Variants in UBXN7 observed in about 807,000 individuals in gnomAD.
UBXN7 encodes UBX domain protein 7.
A neutral mutation model predicts 58.0 loss-of-function variants in UBXN7; 9 were observed. The observed-to-expected ratio is 0.16, with a 90% CI of 0.09 to 0.27. The LOEUF is 0.27. UBXN7 is among the 10% of genes least tolerant of loss of function. The pLI, the probability that UBXN7 is intolerant of heterozygous loss-of-function variation, is 1.00. For missense variants in UBXN7, 328 were observed against 599.6 expected (o/e 0.55, Z 4.73); for synonymous variants, 208 against 205.0 (o/e 1.01, Z -0.12).
intron 5 of UBXN7, among the ~76,000 whole-genome samples, chr3:196,380,181 T>G (rs1577446710): frequency 6.8e-6 from 1 of 147,004 alleles, no homozygotes; most frequent in East Asian, 2.0e-4. Context: ...ACCTAGGAGG[T>G]GGAGCGTGCA....
intron 1 of UBXN7, among the ~76,000 whole-genome samples, chr3:196,409,651 A>AATC (rs768596387): frequency 2.2e-4 from 33 of 152,244 alleles, no homozygotes; most frequent in African/African-American, 7.0e-4. Flanking sequence ...TGACTGTAAC[A>AATC]ATCTTTGTTA....
rs567007969 is a variant in UBXN7, at chr3:196,417,626, G to A, written c.74-10233C>T. Among the ~76,000 whole-genome samples the A allele has an allele frequency of 2.0e-5, 3 of 149,356 alleles. No individual in the cohort carries two copies. In the South Asian group the frequency reaches 6.4e-4, roughly 32 times the overall value. On this transcript the variant is annotated intron_variant, in intron 1 of 10. Coordinates refer to ENST00000296328, the MANE Select transcript of UBXN7 (RefSeq NM_015562.2). Reference sequence around the variant, plus strand: ...TACCATGAATTAAAAGAATTCAGCTGGGCGTGGTGGCTCACACTGTAATCC... The same window carrying A: ...TACCATGAATTAAAAGAATTCAGCTAGGCGTGGTGGCTCACACTGTAATCC...
chr3:196,407,491 T>C, intron 1 of UBXN7, 98 bp from the exon 2 acceptor site: 1 of 1,442,564 alleles, frequency 6.9e-7, no homozygotes, highest in Non-Finnish European at 9.1e-7. Flanking sequence ...AAATTAATAG[T>C]ATTTTTCCCT....
At chr3:196,417,166 A>C (rs929836728) in intron 1 of UBXN7, among the ~76,000 whole-genome samples, 1 of 152,100 alleles carries the variant, frequency 6.6e-6, no homozygotes, top group South Asian at 2.1e-4. Context: ...ACAAAAAATT[A>C]GCCGGGCGTG....
At chr3:196,359,354 T>C (rs1180183097) in intron 10 of UBXN7, among the ~76,000 whole-genome samples, 1 of 152,168 alleles carries the variant, frequency 6.6e-6, no homozygotes, top group African/African-American at 2.4e-5. Flanking sequence ...TATTCAGGCC[T>C]CCTTATTCCC....
chr3:196,372,300 T>TCC (rs1728861479), intron 5 of UBXN7, among the ~76,000 whole-genome samples: 1 of 133,560 alleles, frequency 7.5e-6, no homozygotes, highest in African/African-American at 2.7e-5. Context: ...TAATAGCTGA[T>TCC]TCTCTCTCTC....
intron 5 of UBXN7, among the ~76,000 whole-genome samples, chr3:196,382,724 G>A (rs1200114612): frequency 1.3e-5 from 2 of 152,192 alleles, no homozygotes; most frequent in Non-Finnish European, 2.9e-5. Flanking sequence ...ACCCATCAGT[G>A]TGCTGTATTC....
intron 3 of UBXN7, among the ~76,000 whole-genome samples, chr3:196,395,788 CAG>C (rs1429813978): frequency 2.0e-5 from 3 of 151,906 alleles, no homozygotes; most frequent in Non-Finnish European, 4.4e-5. Flanking sequence ...TTTATTGCGA[CAG>C]AGTCTCACTC....
At chr3:196,357,760 T>C (rs1016049683) in intron 10 of UBXN7, among the ~76,000 whole-genome samples, 13 of 152,260 alleles carry the variant, frequency 8.5e-5, no homozygotes, top group African/African-American at 2.6e-4. Flanking sequence ...CTTGGGAGGC[T>C]GAGGCAGAAT....
chr3:196,423,490 C>G (rs375498353), intron 1 of UBXN7: 98 of 223,792 alleles, frequency 4.4e-4, no homozygotes, highest in African/African-American at 2.1e-3. Context: ...GGTACTTGTT[C>G]CCCTCCTGCC....
intron 5 of UBXN7, among the ~76,000 whole-genome samples, chr3:196,372,300 T>TTCTCTCTCTC (rs144595952): frequency 7.6e-4 from 101 of 133,622 alleles, no homozygotes; most frequent in Middle Eastern, 3.8e-3. Context: ...TAATAGCTGA[T>TTCTCTCTCTC]TCTCTCTCTC....
intron 3 of UBXN7, chr3:196,400,535 A>G (rs13089205): frequency 0.53 from 84,359 of 160,116 alleles, 22,722 homozygotes; most frequent in East Asian, 0.9. Context: ...GCAGGCAGGA[A>G]GCTTGCTTGA....
At chr3:196,399,281 T>C (rs188327161) in intron 3 of UBXN7, among the ~76,000 whole-genome samples, 11 of 152,288 alleles carry the variant, frequency 7.2e-5, no homozygotes, top group Middle Eastern at 3.4e-3. Flanking sequence ...AAGAACATTA[T>C]TAAAGAAAAC....
chr3:196,429,465 C>T (rs1476218758), intron 1 of UBXN7, among the ~76,000 whole-genome samples: 1 of 152,144 alleles, frequency 6.6e-6, no homozygotes, highest in African/African-American at 2.4e-5. Flanking sequence ...AGATAAGACT[C>T]ACATTTATTT....
In UBXN7 at chr3:196,355,704, G is replaced by C. The variant is rs752300367; in HGVS notation, c.*981C>G. ...AGCTGAATGGTTTTCTTTTTCCCCA[G>C]GGACATACCTAAGTATGCCTGAAAC... On this transcript the variant is annotated 3_prime_UTR_variant, in exon 11 of 11. Coordinates refer to ENST00000296328, the MANE Select transcript of UBXN7 (RefSeq NM_015562.2). 6.6e-6 allele frequency: 1 copy of C among 152,118 alleles called. No homozygotes were observed. Among genetic ancestry groups the C allele is most frequent in the Non-Finnish European group, 1.5e-5 (1 of 68,040 alleles). 9.4% of individuals were successfully genotyped at this position (152,118 alleles called of 1,614,324 possible).
intron 1 of UBXN7, among the ~76,000 whole-genome samples, chr3:196,410,140 A>G (rs1730280759): frequency 6.6e-6 from 1 of 152,056 alleles, no homozygotes; most frequent in Non-Finnish European, 1.5e-5. Context: ...GGGTTTCACC[A>G]TGTTGGCCAG....
chr3:196,432,272 A>C, intron 1 of UBXN7, 55 bp downstream of exon 1: 1 of 1,602,738 alleles, frequency 6.2e-7, no homozygotes, highest in East Asian at 2.2e-5. Context: ...CCCGGGGCAG[A>C]CCCGCTGCCC....
Position 196,391,940 on chromosome 3 carries a change from G to C in UBXN7, c.356-15C>G. ...TTCTTGCCGAACTATAATACAGAAG[G>C]ATGAAAGTTTCAGTTAGCCATAATC... is the stretch of plus-strand genomic sequence containing the variant. On this transcript the variant is annotated splice_polypyrimidine_tract_variant and intron_variant, in intron 4 of 10. Coordinates refer to ENST00000296328, the MANE Select transcript of UBXN7 (RefSeq NM_015562.2). The C allele has an allele frequency of 1.0e-6, 1 of 957,400 alleles. No homozygotes were observed. The highest frequency in any genetic ancestry group is 1.5e-5 in the South Asian group (1 of 67,772). 59.3% of individuals were successfully genotyped at this position (957,400 alleles called of 1,614,324 possible).
intron 3 of UBXN7, 76 bp downstream of exon 3, chr3:196,402,876 T>C (rs1470525993): frequency 1.3e-6 from 2 of 1,498,906 alleles, no homozygotes; most frequent in African/African-American, 2.8e-5. Context: ...CTAGCAAGCC[T>C]TCACATCTTT....
Sources: allele counts gnomAD v4.1 joint callset (sites outside exome capture counted in the v4.1 genomes callset), GRCh38; gene constraint gnomAD v4.1.1; transcripts MANE v1.5; gene names NCBI Gene and HGNC (gene_info 2026-07-23, HGNC 2026-07-21).